The following PPEF1 variants were observed in gnomAD, a reference collection of about 807,000 sequenced individuals.
PPEF1 encodes the protein protein phosphatase with EF-hand domain 1, also known as serine/threonine-protein phosphatase with EF-hands 1.
A neutral mutation model predicts 53.3 loss-of-function variants in PPEF1; 12 were observed. The ratio of observed to expected loss-of-function variants is 0.23; its 90% confidence interval spans 0.14 to 0.36. The LOEUF is 0.36. Among genes scored for constraint, PPEF1 ranks in the 10% least tolerant of loss-of-function variants. PPEF1 has a pLI of 1.00. For synonymous variants in PPEF1, 165 were observed against 176.7 expected (o/e 0.93, Z 0.52); for missense variants, 334 against 490.4 (o/e 0.68, Z 3.01).
intron 1 of PPEF1, among the ~76,000 whole-genome samples, chrX:18,715,854 T>C (rs778758156): frequency 8.9e-6 from 1 of 112,432 alleles, no homozygotes; most frequent in Admixed American, 9.5e-5. Context: ...TAACAGAAAT[T>C]AAACATTGCA....
intron 3 of PPEF1, among the ~76,000 whole-genome samples, chrX:18,746,144 T>C (rs1249775332): frequency 8.9e-6 from 1 of 112,192 alleles, no homozygotes; most frequent in African/African-American, 3.2e-5. Context: ...TAGATTCATG[T>C]TGACAAAATT....
intron 1 of PPEF1, among the ~76,000 whole-genome samples, chrX:18,713,272 T>C (rs947150534): frequency 4.5e-5 from 5 of 111,524 alleles, no homozygotes; most frequent in Non-Finnish European, 9.4e-5. Flanking sequence ...CGTAGTTTTT[T>C]TGATTACTTA....
At chrX:18,782,513 A>G (rs2046108455) in intron 8 of PPEF1, 111 bp downstream of exon 8, 4 of 555,227 alleles carry the variant, frequency 7.2e-6, no homozygotes, top group Non-Finnish European at 1.1e-5. Flanking sequence ...GTAATAGGCC[A>G]ACTAGTCAGA....
intron 4 of PPEF1, among the ~76,000 whole-genome samples, chrX:18,697,595 G>A (rs1020666365): frequency 3.6e-5 from 4 of 110,444 alleles, no homozygotes; most frequent in Admixed American, 9.7e-5. Context: ...GGAGTGTCTC[G>A]TACCTGTTTT....
intron 6 of PPEF1, 152 bp downstream of exon 6, chrX:18,761,728 T>TC: frequency 2.7e-6 from 1 of 370,820 alleles, no homozygotes; most frequent in Non-Finnish European, 4.6e-6. Context: ...TAGAGCCATA[T>TC]CTTTTTTTTT....
intron 3 of PPEF1, among the ~76,000 whole-genome samples, chrX:18,746,126 A>G (rs1438275748): frequency 8.9e-6 from 1 of 111,912 alleles, no homozygotes; most frequent in Non-Finnish European, 1.9e-5. Flanking sequence ...TATAATTCTT[A>G]ATTAGTTTAG....
upstream of PPEF1, among the ~76,000 whole-genome samples, chrX:18,675,114 C>T (rs887478628): frequency 1.2e-4 from 14 of 113,116 alleles, no homozygotes; most frequent in East Asian, 4.0e-3. Context: ...GAGTCTCGGG[C>T]TCCGGCGTTT....
At chrX:18,712,984 A>G (rs1228859344) in intron 1 of PPEF1, among the ~76,000 whole-genome samples, 1 of 111,800 alleles carries the variant, frequency 8.9e-6, no homozygotes, top group African/African-American at 3.2e-5. Flanking sequence ...CCCCTTGATC[A>G]TGGTGTATAA....
upstream of PPEF1, among the ~76,000 whole-genome samples, chrX:18,682,343 A>C (rs1928912752): frequency 8.9e-6 from 1 of 112,263 alleles, no homozygotes; most frequent in African/African-American, 3.2e-5. Flanking sequence ...AGCTGAGTTT[A>C]CCTGCCTGTG....
rs2046279489 is a variant in PPEF1, at chrX:18,789,193, G to A, written c.985G>A (p.Gly329Ser). Reference sequence around the variant, plus strand: ...CACTGACTCGAAGCACAATAAAGTAGGTGTGACTTTTAATGCACATGGAAG... The same window carrying A: ...CACTGACTCGAAGCACAATAAAGTAAGTGTGACTTTTAATGCACATGGAAG... The part of the protein sequence containing the change: ...HDTDSKHNKV[G>S]VTFNAHGRIK... Residue 329 changes from glycine to serine, a missense_variant, in exon 10 of 16, where the codon GGT becomes AGT. Physicochemically the swap from Gly to Ser is moderately conservative, Grantham distance 56. Coordinates refer to ENST00000470157, the MANE Select transcript of PPEF1 (RefSeq NM_001377996.1). 6 of 1,210,125 alleles carry A rather than the reference G, an allele frequency of 5.0e-6. No individual in the cohort carries two copies. Among genetic ancestry groups the A allele is most frequent in the Non-Finnish European group, 6.7e-6 (6 of 893,897 alleles).
intron 3 of PPEF1, among the ~76,000 whole-genome samples, chrX:18,740,888 G>A (rs1043572961): frequency 9.0e-4 from 96 of 106,142 alleles, no homozygotes; most frequent in Non-Finnish European, 1.6e-3. Context: ...AGACTTAAAC[G>A]CTCATTTTGC....
At chrX:18,712,856 A>G (rs759905303) in intron 1 of PPEF1, among the ~76,000 whole-genome samples, 6 of 111,934 alleles carry the variant, frequency 5.4e-5, no homozygotes, top group Non-Finnish European at 1.1e-4. Context: ...CTTTCTCTGC[A>G]TGTATTGAGA....
At chrX:18,773,423 C>T (rs779316876) in intron 6 of PPEF1, among the ~76,000 whole-genome samples, 10 of 111,143 alleles carry the variant, frequency 9.0e-5, no homozygotes, top group Non-Finnish European at 1.7e-4. Context: ...CTTCTCTTAC[C>T]TTCTTTTTAA....
At chrX:18,760,648 C>T (rs1379542042) in intron 5 of PPEF1, among the ~76,000 whole-genome samples, 2 of 110,289 alleles carry the variant, frequency 1.8e-5, no homozygotes, top group Admixed American at 9.7e-5. Context: ...CACTTTGTCA[C>T]CCAGGCTGGA....
Position 18,757,659 on chromosome X carries a change from A to G in PPEF1, c.429A>G (p.Leu143=). ...ATGCCCATTATGTCTTAGAGGTGCTATTTGAAACCAAGAAAGTCCTGAAGC... is the reference window on the plus strand; with the variant it reads ...ATGCCCATTATGTCTTAGAGGTGCTGTTTGAAACCAAGAAAGTCCTGAAGC... ...ILHAHYVLEV[L]FETKKVLKQM... is the part of the protein sequence containing the mutation. Residue 143 remains leucine (L), a synonymous_variant, in exon 5 of 16, where the codon CTA becomes CTG. Transcript: ENST00000470157. 1 of 1,210,290 alleles carries G rather than the reference A, an allele frequency of 8.3e-7. No individual in the cohort carries two copies. The highest frequency in any genetic ancestry group is 1.1e-6 in the Non-Finnish European group (1 of 894,408).
chrX:18,751,163 C>T (rs1012374608), intron 4 of PPEF1, among the ~76,000 whole-genome samples: 2 of 111,627 alleles, frequency 1.8e-5, no homozygotes, highest in African/African-American at 3.3e-5. Flanking sequence ...TGCATAAAAG[C>T]GTTACATTTT....
At chrX:18,818,931 A>G (rs2046974939) in intron 13 of PPEF1, among the ~76,000 whole-genome samples, 1 of 111,805 alleles carries the variant, frequency 8.9e-6, no homozygotes, top group Non-Finnish European at 1.9e-5. Context: ...ACTAAATTAT[A>G]ATATAGTAGG....
Position 18,809,704 on chromosome X carries a change from C to CAAA in PPEF1, c.1394+3171_1394+3173dup, listed in dbSNP as rs61305573. Among the ~76,000 whole-genome samples, 314 of 86,456 alleles carry CAAA rather than the reference C, an allele frequency of 3.6e-3. 2 individuals are homozygous for CAAA. The highest frequency in any genetic ancestry group is 0.013 in the African/African-American group (301 of 23,947). 75.1% of individuals were successfully genotyped at this position (86,456 alleles called of 115,157 possible). A position where few individuals can be genotyped will look rare whatever the true frequency, so the allele number is the denominator to read the frequency against. ...TGGGCAATAAAGTGAGACCCTGTCTCAAAAAAAAAAAAAATCCACTGAAGG... is the reference window on the plus strand; with the variant it reads ...TGGGCAATAAAGTGAGACCCTGTCTCAAAAAAAAAAAAAAAAATCCACTGAAGG... On this transcript the variant is annotated intron_variant, in intron 12 of 15. Coordinates refer to ENST00000470157, the MANE Select transcript of PPEF1 (RefSeq NM_001377996.1).
chrX:18,765,191 C>T (rs1602427148), intron 6 of PPEF1, among the ~76,000 whole-genome samples: 1 of 111,552 alleles, frequency 9.0e-6, no homozygotes, highest in African/African-American at 3.3e-5. Context: ...GTCTGGAAAA[C>T]AGAAGTGTGC....
Sources: allele counts gnomAD v4.1 joint callset (sites outside exome capture counted in the v4.1 genomes callset), GRCh38; gene constraint gnomAD v4.1.1; transcripts MANE v1.5; gene names NCBI Gene and HGNC (gene_info 2026-07-23, HGNC 2026-07-21).